Variants in RERE observed in about 807,000 individuals in gnomAD.
RERE encodes arginine-glutamic acid dipeptide repeats, also known as arginine-glutamic acid dipeptide repeats protein.
In RERE, 40 loss-of-function variants were observed where a neutral mutation model predicts 146.1. That is an observed-to-expected ratio of 0.27 (90% CI 0.21 to 0.36). The LOEUF (loss-of-function observed/expected upper bound fraction) is 0.36, where lower values mean the gene tolerates loss of function less well. RERE is among the 10% of genes least tolerant of loss of function. RERE has a pLI of 1.00. For missense variants in RERE, 1,933 were observed against 2,138.7 expected (o/e 0.90, Z 1.90); for synonymous variants, 1,003 against 866.0 (o/e 1.16, Z -2.78).
At chr1:8,794,687 A>G (rs1294222442) in intron 1 of RERE, among the ~76,000 whole-genome samples, 1 of 151,930 alleles carries the variant, frequency 6.6e-6, no homozygotes. Context: ...GCATAAGCCC[A>G]AAAATTCGAA....
chr1:8,625,467 C>CTCAT (rs1474228432), intron 2 of RERE, among the ~76,000 whole-genome samples: 2 of 152,018 alleles, frequency 1.3e-5, no homozygotes, highest in Non-Finnish European at 2.9e-5. Context: ...ACCACAATGC[C>CTCAT]TCATTCATTC....
At chr1:8,550,693 C>A (rs1380191485) in intron 6 of RERE, among the ~76,000 whole-genome samples, 1 of 152,124 alleles carries the variant, frequency 6.6e-6, no homozygotes, top group African/African-American at 2.4e-5. Flanking sequence ...ACTACAGGCA[C>A]CAGCCACCAC....
Position 8,354,199 on chromosome 1 carries a change from CCT to C in RERE, c.*886_*887del, listed in dbSNP as rs1461736256. 1 of 152,512 alleles carries C rather than the reference CCT, an allele frequency of 6.6e-6. No homozygotes were observed. Among genetic ancestry groups the C allele is most frequent in the East Asian group, 1.9e-4 (1 of 5,202 alleles). 9.4% of individuals were successfully genotyped at this position (152,512 alleles called of 1,614,324 possible). ...AAGTGAACATTCACCTCCTGCACTCCCTGTGCAAAATGGAAGAGGTCTGATGG... is the reference window on the plus strand; with the variant it reads ...AAGTGAACATTCACCTCCTGCACTCCGTGCAAAATGGAAGAGGTCTGATGG... On this transcript the variant is annotated 3_prime_UTR_variant, in exon 23 of 23. Coordinates refer to ENST00000400908, the MANE Select transcript of RERE (RefSeq NM_001042681.2).
At chr1:8,647,650 T>C (rs1223983854) in intron 2 of RERE, among the ~76,000 whole-genome samples, 2 of 149,260 alleles carry the variant, frequency 1.3e-5, no homozygotes, top group Non-Finnish European at 3.0e-5. Flanking sequence ...TATGTGTGTG[T>C]GTGTGTGTGT....
intron 12 of RERE, among the ~76,000 whole-genome samples, chr1:8,378,420 A>C (rs1642335324): frequency 6.6e-6 from 1 of 152,132 alleles, no homozygotes; most frequent in African/African-American, 2.4e-5. Flanking sequence ...TCCTCCCTCA[A>C]ATTCCTACGT....
intron 2 of RERE, among the ~76,000 whole-genome samples, chr1:8,652,776 C>A (rs1475265432): frequency 1.3e-5 from 2 of 152,168 alleles, no homozygotes; most frequent in Admixed American, 6.5e-5. Flanking sequence ...GACCTTGACA[C>A]GTGGGGATTA....
chr1:8,485,466 A>AT (rs1644886896), intron 10 of RERE, among the ~76,000 whole-genome samples: 1 of 152,130 alleles, frequency 6.6e-6, no homozygotes, highest in Non-Finnish European at 1.5e-5. Context: ...GCCAAACTAG[A>AT]TAAAAAGGCA....
chr1:8,698,937 G>A (rs1284229356), intron 1 of RERE, among the ~76,000 whole-genome samples: 1 of 152,048 alleles, frequency 6.6e-6, no homozygotes, highest in Non-Finnish European at 1.5e-5. Context: ...GTTTTTCAAT[G>A]AGACAGGGTC....
Position 8,482,871 on chromosome 1 carries a change from A to T in RERE, c.1104+12192T>A, listed in dbSNP as rs1644854433. Among the ~76,000 whole-genome samples, 4 of 152,206 alleles carry T rather than the reference A, an allele frequency of 2.6e-5. No homozygotes were observed. The East Asian group carries it at 7.7e-4, about 29-fold the overall frequency. On this transcript the variant is annotated intron_variant, in intron 10 of 22. Coordinates refer to ENST00000400908, the MANE Select transcript of RERE (RefSeq NM_001042681.2). ...TGTTTCTAAAACTAAAAAATTTTCA[A>T]AAAATAAAAGTTGAAAATTATATAT...
At chr1:8,792,799 T>G (rs1241214432) in intron 1 of RERE, among the ~76,000 whole-genome samples, 1 of 152,086 alleles carries the variant, frequency 6.6e-6, no homozygotes, top group South Asian at 2.1e-4. Context: ...GTGTCTTACA[T>G]CGGGTATGTT....
At chr1:8,446,305 A>C (rs1036515704) in intron 11 of RERE, among the ~76,000 whole-genome samples, 1 of 150,170 alleles carries the variant, frequency 6.7e-6, no homozygotes, top group African/African-American at 2.5e-5. Flanking sequence ...TTTTTCTTTC[A>C]TTTCAACCTT....
At chr1:8,756,687 A>C (rs913438439) in intron 1 of RERE, among the ~76,000 whole-genome samples, 4 of 152,234 alleles carry the variant, frequency 2.6e-5, no homozygotes, top group Non-Finnish European at 5.9e-5. Context: ...TTTTCTTTGA[A>C]GATCAGGATC....
At chr1:8,776,669 T>G (rs1291233035) in intron 1 of RERE, among the ~76,000 whole-genome samples, 1 of 152,142 alleles carries the variant, frequency 6.6e-6, no homozygotes, top group Non-Finnish European at 1.5e-5. Context: ...TTTTCCTCTT[T>G]CCTTCTTCTA....
intron 4 of RERE, among the ~76,000 whole-genome samples, chr1:8,611,644 C>T (rs565609759): frequency 6.7e-6 from 1 of 149,824 alleles, no homozygotes. Flanking sequence ...AATTAAAATG[C>T]TAACTAACTA....
At chr1:8,398,305 A>AAG (rs1643126531) in intron 12 of RERE, among the ~76,000 whole-genome samples, 1 of 152,184 alleles carries the variant, frequency 6.6e-6, no homozygotes, top group Admixed American at 6.5e-5. Context: ...CACAGTATAA[A>AAG]AGGTCTTGAC....
chr1:8,390,245 A>G (rs1260556847), intron 12 of RERE, among the ~76,000 whole-genome samples: 2 of 151,876 alleles, frequency 1.3e-5, no homozygotes, highest in Admixed American at 6.6e-5. Context: ...CAGAGACCCC[A>G]CTCCAGACAG....
At chr1:8,404,397 G>C (rs1489088960) in intron 12 of RERE, among the ~76,000 whole-genome samples, 1 of 151,424 alleles carries the variant, frequency 6.6e-6, no homozygotes, top group Non-Finnish European at 1.5e-5. Context: ...CTGCCTCGGC[G>C]ACATAGTGAG....
chr1:8,687,640 CG>C (rs1557481959), intron 1 of RERE, among the ~76,000 whole-genome samples: 2 of 152,100 alleles, frequency 1.3e-5, no homozygotes. Context: ...TGGGGAGAGT[CG>C]TAATTTCTCC....
intron 7 of RERE, among the ~76,000 whole-genome samples, chr1:8,522,118 A>T (rs1378637089): frequency 1.3e-5 from 2 of 152,234 alleles, no homozygotes; most frequent in Admixed American, 1.3e-4. Flanking sequence ...AGAAAAATAA[A>T]TCAGACTCAT....
Sources: gnomAD v4.1 joint callset for allele counts (sites outside exome capture counted in the v4.1 genomes callset) on GRCh38, gnomAD v4.1.1 for gene constraint, MANE v1.5 for transcripts, NCBI Gene and HGNC (gene_info 2026-07-23, HGNC 2026-07-21) for gene names.